The following SCN8A variants were observed in gnomAD, a reference collection of about 807,000 sequenced individuals.
SCN8A encodes sodium voltage-gated channel alpha subunit 8.
In SCN8A, 30 loss-of-function variants were observed where a neutral mutation model predicts 184.1. That is an observed-to-expected ratio of 0.16 (90% CI 0.12 to 0.22). SCN8A has a LOEUF of 0.22. Among genes scored for constraint, SCN8A ranks in the 10% least tolerant of loss-of-function variants. SCN8A has a pLI of 1.00. For missense variants in SCN8A, 1,057 were observed against 2,498.9 expected, an observed-to-expected ratio of 0.42 and a Z score of 12.30; for synonymous variants, 852 against 907.0, an observed-to-expected ratio of 0.94 and a Z score of 1.09.
chr12:51,602,217 A>T (rs1332597622), intron 1 of SCN8A, among the ~76,000 whole-genome samples: 1 of 152,344 alleles, frequency 6.6e-6, no homozygotes, highest in East Asian at 1.9e-4. Flanking sequence ...GTTTGAGATT[A>T]TGGATATGCG....
chr12:51,710,740 A>G (rs983466438), intron 11 of SCN8A, among the ~76,000 whole-genome samples: 8 of 152,338 alleles, frequency 5.3e-5, no homozygotes, highest in Admixed American at 1.3e-4. Flanking sequence ...TTTCTGCATC[A>G]TAGTTATTCT....
At chr12:51,654,390 A>G (rs1479116585) in intron 1 of SCN8A, among the ~76,000 whole-genome samples, 2 of 152,192 alleles carry the variant, frequency 1.3e-5, no homozygotes, top group African/African-American at 4.8e-5. Flanking sequence ...GTAAGGATCC[A>G]ACTTCGTTCT....
At chr12:51,596,769 T>C (rs1228198360) in intron 1 of SCN8A, among the ~76,000 whole-genome samples, 1 of 152,190 alleles carries the variant, frequency 6.6e-6, no homozygotes, top group African/African-American at 2.4e-5. Flanking sequence ...CTAGCTACTT[T>C]TAAAAAGGTC....
At chr12:51,741,525 C>A (rs963884284) in intron 12 of SCN8A, among the ~76,000 whole-genome samples, 2 of 151,950 alleles carry the variant, frequency 1.3e-5, no homozygotes, top group Non-Finnish European at 2.9e-5. Context: ...GGTTGTTTTG[C>A]GGTCTTCTTT....
Position 51,780,779 on chromosome 12 carries a change from AC to A in SCN8A, c.3942+9del, listed in dbSNP as rs750135266. 9.5e-6 allele frequency: 15 copies of A among 1,577,022 alleles called. No homozygotes were observed. Among genetic ancestry groups the A allele is most frequent in the Non-Finnish European group, 1.3e-5 (15 of 1,168,200 alleles). ...CGATTTGAAGGGATGAGGGTAAGATACTAAGAGCAGCTGATCCTTCTGCATG... is the reference window on the plus strand; with the variant it reads ...CGATTTGAAGGGATGAGGGTAAGATATAAGAGCAGCTGATCCTTCTGCATG... On this transcript the variant is annotated intron_variant, in intron 21 of 26. Transcript: ENST00000627620.
chr12:51,804,860 C>G (rs1260792262), intron 26 of SCN8A, among the ~76,000 whole-genome samples: 2 of 152,156 alleles, frequency 1.3e-5, no homozygotes, highest in African/African-American at 2.4e-5. Flanking sequence ...CTTTAGTTTT[C>G]TAGGCTAGTT....
At position 51,706,529 on chromosome 12, in the gene SCN8A, C is replaced by T. The variant is rs762369412; in HGVS notation, c.1449C>T (p.Leu483=). 6.2e-7 allele frequency: 1 copy of T among 1,605,632 alleles called. No individual in the cohort carries two copies. Among genetic ancestry groups the T allele is most frequent in the Non-Finnish European group, 8.5e-7 (1 of 1,176,088 alleles). Reference sequence around the variant, plus strand: ...GGAGCTCTTCTGAAATCTCTAAACTCAGCTCAAAGAGTGCAAAGGAAAGAC... The same window carrying T: ...GGAGCTCTTCTGAAATCTCTAAACTTAGCTCAAAGAGTGCAAAGGAAAGAC... ...SPRSSSEISK[L]SSKSAKERRN... The change falls in exon 11 of 27, where the codon CTC becomes CTT. Residue 483 remains leucine, a synonymous_variant. Coordinates refer to ENST00000627620, the MANE Select transcript of SCN8A (RefSeq NM_001330260.2).
rs376759643 is a variant in SCN8A, at chr12:51,806,532, C to T, written c.5046C>T (p.Ile1682=). Residue 1682 remains isoleucine, a synonymous_variant, in exon 27 of 27, where the codon ATC becomes ATT. Coordinates refer to ENST00000627620, the MANE Select transcript of SCN8A (RefSeq NM_001330260.2). The surrounding 1 kb of genome is among the most constrained non-coding windows in gnomAD (Gnocchi z 8.7). ...CATATGTGAAGCACGAGGCTGGTAT[C>T]GATGACATGTTCAACTTTGAGACAT... is the stretch of plus-strand genomic sequence containing the variant. ...NFAYVKHEAG[I]DDMFNFETFG... is the part of the protein sequence containing the mutation. 207 of 1,614,030 alleles carry T rather than the reference C, an allele frequency of 1.3e-4. No homozygotes were observed. The highest frequency in any genetic ancestry group is 3.3e-4 in the Middle Eastern group (2 of 6,084).
At chr12:51,776,997 C>A (rs1937724455) in intron 20 of SCN8A, among the ~76,000 whole-genome samples, 1 of 152,174 alleles carries the variant, frequency 6.6e-6, no homozygotes. Flanking sequence ...TTGCTCAGGT[C>A]CTTGGCTGCA....
chr12:51,699,527 G>A (rs1329964241), intron 6 of SCN8A, 43 bp from the exon 7 acceptor site: 30 of 1,515,552 alleles, frequency 2.0e-5, no homozygotes, highest in Non-Finnish European at 2.6e-5. Flanking sequence ...GAGGTGGGGA[G>A]GGCTTTGAGG....
intron 12 of SCN8A, among the ~76,000 whole-genome samples, chr12:51,734,590 C>A (rs987640278): frequency 2.6e-5 from 4 of 152,204 alleles, no homozygotes; most frequent in Admixed American, 6.5e-5. Context: ...TCCTGTAAAC[C>A]CACAACCTTC....
rs185945685 is a variant in SCN8A at position 51,690,398 on chromosome 12, C to A, written c.706+1302C>A. Among the ~76,000 whole-genome samples the A allele has an allele frequency of 4.9e-4, 75 of 152,230 alleles. 1 individual carries two copies. The highest frequency in any genetic ancestry group is 1.7e-3 in the African/African-American group (72 of 41,552). On this transcript the variant is annotated intron_variant, in intron 6 of 26. Transcript: ENST00000627620. ...CTAGAGACAGGGTCTCACTCTGTTG[C>A]CCAGGCTGGAGTGGTACGATGATGG...
intron 20 of SCN8A, among the ~76,000 whole-genome samples, chr12:51,774,981 G>A (rs1460768867): frequency 2.0e-5 from 3 of 152,140 alleles, no homozygotes; most frequent in Non-Finnish European, 4.4e-5. Context: ...GACTATCTCC[G>A]AGGTTTGCTG....
intron 19 of SCN8A, among the ~76,000 whole-genome samples, chr12:51,771,634 A>G (rs1276353164): frequency 6.6e-6 from 1 of 152,206 alleles, no homozygotes; most frequent in Non-Finnish European, 1.5e-5. Context: ...GAAGGTTTAC[A>G]CAGGAAGGTG....
chr12:51,651,755 C>T (rs1940719636), intron 1 of SCN8A, among the ~76,000 whole-genome samples: 1 of 152,172 alleles, frequency 6.6e-6, no homozygotes, highest in Non-Finnish European at 1.5e-5. Context: ...CTACATATTA[C>T]CTCTATGATT....
chr12:51,647,933 C>T (rs1940626846), intron 1 of SCN8A, among the ~76,000 whole-genome samples: 1 of 152,210 alleles, frequency 6.6e-6, no homozygotes, highest in Non-Finnish European at 1.5e-5. Context: ...GTCTCGCAGT[C>T]CTCAGAGTCT....
At position 51,611,226 on chromosome 12, in the gene SCN8A, C is replaced by T. The variant is rs376533405; in HGVS notation, c.-55+19867C>T. ...TTTTTTTGAGACAGAGTCTCTCTGT[C>T]GCCCAGGCTGGAGCAAGCTCCGCCT... is the stretch of plus-strand genomic sequence containing the variant. On this transcript the variant is annotated intron_variant, in intron 1 of 26. Coordinates refer to ENST00000627620, the MANE Select transcript of SCN8A (RefSeq NM_001330260.2). Among the ~76,000 whole-genome samples the T allele has an allele frequency of 1.4e-4, 21 of 147,792 alleles. No individual in the cohort carries two copies. The South Asian group carries it at 1.7e-3, about 12-fold the overall frequency.
chr12:51,760,128 G>T (rs190159587), intron 14 of SCN8A, among the ~76,000 whole-genome samples: 203 of 152,208 alleles, frequency 1.3e-3, no homozygotes, highest in African/African-American at 4.6e-3. Context: ...GAACTTTGGG[G>T]GACACATTCA....
intron 1 of SCN8A, among the ~76,000 whole-genome samples, chr12:51,661,631 A>AT (rs1293345814): frequency 3.3e-5 from 5 of 152,160 alleles, no homozygotes; most frequent in African/African-American, 9.7e-5. Flanking sequence ...TTAAAAAAAA[A>AT]ATTCCTGGAT....
Sources: gnomAD v4.1 joint callset for allele counts (sites outside exome capture counted in the v4.1 genomes callset) on GRCh38, gnomAD v4.1.1 for gene constraint, Gnocchi (gnomAD v3.1) non-coding constraint, MANE v1.5 for transcripts, NCBI Gene and HGNC (gene_info 2026-07-23, HGNC 2026-07-21) for gene names.